Variants in EN1 observed in about 807,000 individuals in gnomAD.
The protein encoded by EN1 is homeobox protein engrailed-1.
EN1 carries 8 observed loss-of-function variants against 22.9 expected under a neutral mutation model. The ratio of observed to expected loss-of-function variants is 0.35; its 90% confidence interval spans 0.20 to 0.63. The LOEUF is 0.63. EN1 is among the 20% of genes least tolerant of loss of function. The pLI is 0.73. For missense variants in EN1, 521 were observed against 572.1 expected, an observed-to-expected ratio of 0.91 and a Z score of 0.91; for synonymous variants, 287 against 262.5, an observed-to-expected ratio of 1.09 and a Z score of -0.90.
chr2:118,844,911 A>G (rs988846419), intron 1 of EN1, among the ~76,000 whole-genome samples: 4 of 152,260 alleles, frequency 2.6e-5, no homozygotes, highest in African/African-American at 7.2e-5. Context: ...ATTCGTAATT[A>G]GCTGAGCGGG....
At position 118,842,864 on chromosome 2, in the gene EN1, C is replaced by T; in HGVS notation, c.*74G>A. On this transcript the variant is annotated 3_prime_UTR_variant, in exon 2 of 2. Coordinates refer to ENST00000295206, the MANE Select transcript of EN1 (RefSeq NM_001426.4). ...TCCCTCCTTGGAGCAGATGCTTTCT[C>T]CCCCAGCGAGGGGCCGGGAGACGAC... 6 of 1,518,524 alleles carry T rather than the reference C, an allele frequency of 4.0e-6. No homozygotes were observed. In the East Asian group the frequency reaches 7.0e-5, roughly 18 times the overall value. The allele number at this position is 1,518,524 out of a possible 1,614,324, so 94.1% of individuals were successfully genotyped here. A position where few individuals can be genotyped will look rare whatever the true frequency, so the allele number is the denominator to read the frequency against.
chr2:118,846,453 C>G lies in EN1; in HGVS notation c.715G>C (p.Gly239Arg). The G allele has an allele frequency of 6.2e-7, 1 of 1,610,676 alleles. No individual in the cohort carries two copies. The highest frequency in any genetic ancestry group is 8.5e-7 in the Non-Finnish European group (1 of 1,179,080). The change falls in exon 1 of 2, where the codon GGC becomes CGC. Residue 239 changes from glycine to arginine, a missense_variant. Around this residue, in one of 3 missense-constraint regions of EN1, gnomAD observed 436 missense variants for 410.1 expected, o/e 1.06. Coordinates refer to ENST00000295206, the MANE Select transcript of EN1 (RefSeq NM_001426.4). The surrounding 1 kb of genome is among the most constrained non-coding windows in gnomAD (Gnocchi z 5.0). The part of the protein sequence containing the change: ...GGGAGSPGAQ[G>R]TKYPEHGNPA... ...TTGCCGTGCTCCGGGTATTTGGTGC[C>G]CTGCGCTCCGGGGCTCCCCGCGCCG...
chr2:118,846,254 G>C lies in EN1; in HGVS notation c.862+52C>G. The C allele has an allele frequency of 6.3e-7, 1 of 1,577,774 alleles. No homozygotes were observed. The highest frequency in any genetic ancestry group is 8.6e-7 in the Non-Finnish European group (1 of 1,163,912). ...CCTAGCGCCGCAGCTTGGCGTTCTGGGGCGGTCCGCGGGGCCAGAAGGCAT... is the reference window on the plus strand; with the variant it reads ...CCTAGCGCCGCAGCTTGGCGTTCTGCGGCGGTCCGCGGGGCCAGAAGGCAT... On this transcript the variant is annotated intron_variant, in intron 1 of 1. Transcript: ENST00000295206. The surrounding 1 kb of genome is among the most constrained non-coding windows in gnomAD (Gnocchi z 5.0).
Position 118,846,131 on chromosome 2 carries a change from C to A in EN1, c.862+175G>T, listed in dbSNP as rs1306460192. ...GCTTCTCGGGTGGTGGCCGCAGAGG[C>A]CAGGATCGCATAGCTGGATGAACAT... On this transcript the variant is annotated intron_variant, in intron 1 of 1. Transcript: ENST00000295206. This position sits in a 1 kb window ranked among gnomAD's most constrained non-coding sequence, Gnocchi z 5.0. Among the ~76,000 whole-genome samples, 2 of 151,934 alleles carry A rather than the reference C, an allele frequency of 1.3e-5. No homozygotes were observed. Among genetic ancestry groups the A allele is most frequent in the Non-Finnish European group, 2.9e-5 (2 of 67,970 alleles).
intron 1 of EN1, among the ~76,000 whole-genome samples, chr2:118,845,476 C>A (rs145372101): frequency 6.6e-6 from 1 of 152,306 alleles, no homozygotes; most frequent in Non-Finnish European, 1.5e-5. Context: ...CCTACGGATG[C>A]CAGAAGTCTG....
chr2:118,846,630 G>T lies in EN1; in HGVS notation c.538C>A (p.Pro180Thr). ...LCAPDANCGPPDGSQPAAAGA... is the reference protein window; with the variant it reads ...LCAPDANCGPTDGSQPAAAGA... Reference sequence around the variant, plus strand: ...GCGGCGGCTGGCTGGGAGCCGTCGGGTGGGCCACAGTTCGCGTCCGGGGCG... The same window carrying T: ...GCGGCGGCTGGCTGGGAGCCGTCGGTTGGGCCACAGTTCGCGTCCGGGGCG... Residue 180 changes from proline (P) to threonine (T), a missense_variant, in exon 1 of 2, where the codon CCC (proline) becomes ACC (threonine). Pro to Thr is a conservative substitution (Grantham distance 38). This residue lies in a region of EN1 where 436 missense variants were observed against 410.1 expected (regional missense o/e 1.06). Transcript: ENST00000295206. This position sits in a 1 kb window ranked among gnomAD's most constrained non-coding sequence, Gnocchi z 5.0. The T allele has an allele frequency of 6.7e-7, 1 of 1,500,212 alleles. No individual in the cohort carries two copies. The highest frequency in any genetic ancestry group is 8.8e-7 in the Non-Finnish European group (1 of 1,131,898). The allele number at this position is 1,500,212 out of a possible 1,614,324, so 92.9% of individuals were successfully genotyped here.
Position 118,847,175 on chromosome 2 carries a change from C to A in EN1, c.-8G>T. On this transcript the variant is annotated 5_prime_UTR_variant, in exon 1 of 2. Transcript: ENST00000295206. Reference sequence around the variant, plus strand: ...CGGCTGCTGTTCTTCCATGCTCGGCCGCCCCGCCGCCCCGGCCGCCGCGCC... The same window carrying A: ...CGGCTGCTGTTCTTCCATGCTCGGCAGCCCCGCCGCCCCGGCCGCCGCGCC... The A allele has an allele frequency of 2.4e-6, 2 of 844,722 alleles. No homozygotes were observed. The highest frequency in any genetic ancestry group is 3.3e-6 in the Non-Finnish European group (2 of 601,752). The allele number at this position is 844,722 out of a possible 1,614,324, so 52.3% of individuals were successfully genotyped here.
chr2:118,845,327 C>T (rs1678253060), intron 1 of EN1, among the ~76,000 whole-genome samples: 1 of 152,254 alleles, frequency 6.6e-6, no homozygotes, highest in African/African-American at 2.4e-5. Context: ...GCTTCTGCCG[C>T]TCTCCCAGAC....
chr2:118,843,560 C>A (rs1353115970), intron 1 of EN1, among the ~76,000 whole-genome samples: 1 of 152,182 alleles, frequency 6.6e-6, no homozygotes, highest in East Asian at 1.9e-4. Context: ...ACAGGACAGT[C>A]AGGGACAGAC....
chr2:118,844,928 T>A (rs1678245397), intron 1 of EN1, among the ~76,000 whole-genome samples: 1 of 152,124 alleles, frequency 6.6e-6, no homozygotes, highest in African/African-American at 2.4e-5. Flanking sequence ...CGGGGAGAAA[T>A]AGCCCAAGAA....
At chr2:118,843,975 G>C (rs1024263007) in intron 1 of EN1, 75 of 152,094 alleles carry the variant, frequency 4.9e-4, no homozygotes, top group African/African-American at 1.8e-3. Flanking sequence ...TAGGGTCTCA[G>C]GGATGCAGGG....
chr2:118,845,205 CG>C (rs1412901985), intron 1 of EN1, among the ~76,000 whole-genome samples: 1 of 152,224 alleles, frequency 6.6e-6, no homozygotes, highest in Non-Finnish European at 1.5e-5. Context: ...GATCCGCGCC[CG>C]GCCGGCAGCT....
chr2:118,845,508 G>A (rs535842301), intron 1 of EN1, among the ~76,000 whole-genome samples: 1 of 152,230 alleles, frequency 6.6e-6, no homozygotes, highest in Non-Finnish European at 1.5e-5. Flanking sequence ...GGTGAAAAAA[G>A]GAAAGCGCCG....
Position 118,843,272 on chromosome 2 carries a change from G to T in EN1, c.863-18C>A. 1 of 937,272 alleles carries T rather than the reference G, an allele frequency of 1.1e-6. No homozygotes were observed. Among genetic ancestry groups the T allele is most frequent in the Non-Finnish European group, 1.5e-6 (1 of 665,486 alleles). 58.1% of individuals were successfully genotyped at this position (937,272 alleles called of 1,614,324 possible). A position where few individuals can be genotyped will look rare whatever the true frequency, so the allele number is the denominator to read the frequency against. ...GCGCGGACCTGCAGCGGCGGAGAGG[G>T]CCGGGGTGGGGTGGGGGTGGGGACC... On this transcript the variant is annotated intron_variant, in intron 1 of 1. Transcript: ENST00000295206.
intron 1 of EN1, chr2:118,844,403 T>A (rs1209695226): frequency 6.6e-6 from 1 of 151,680 alleles, no homozygotes; most frequent in Non-Finnish European, 1.5e-5. Context: ...CAAATACTAG[T>A]CTGGGAGGAG....
intron 1 of EN1, among the ~76,000 whole-genome samples, chr2:118,845,720 C>A (rs1459898116): frequency 1.3e-5 from 2 of 152,208 alleles, no homozygotes; most frequent in East Asian, 3.9e-4. Context: ...GGGTCAGACT[C>A]TTTTCGCTAC....
At chr2:118,844,660 A>G (rs1014404979) in intron 1 of EN1, among the ~76,000 whole-genome samples, 51 of 152,206 alleles carry the variant, frequency 3.4e-4, no homozygotes, top group African/African-American at 1.2e-3. Context: ...CTAGCTACAG[A>G]GAGGAAGGCT....
At position 118,846,196 on chromosome 2, in the gene EN1, G is replaced by A. The variant is rs1678265094; in HGVS notation, c.862+110C>T. The stretch of plus-strand genomic sequence containing the variant: ...AACTGGGGTGAGGAAGCAGGCGTGA[G>A]AGACTGGAGTACCCGAGGCCGGGTT... On this transcript the variant is annotated intron_variant, in intron 1 of 1. Coordinates refer to ENST00000295206, the MANE Select transcript of EN1 (RefSeq NM_001426.4). The surrounding 1 kb of genome is among the most constrained non-coding windows in gnomAD (Gnocchi z 5.0). The A allele has an allele frequency of 6.8e-7, 1 of 1,476,990 alleles. No homozygotes were observed. Among genetic ancestry groups the A allele is most frequent in the Non-Finnish European group, 9.1e-7 (1 of 1,104,168 alleles). 91.5% of individuals were successfully genotyped at this position (1,476,990 alleles called of 1,614,324 possible).
At chr2:118,845,570 C>T (rs770882534) in intron 1 of EN1, among the ~76,000 whole-genome samples, 2 of 152,228 alleles carry the variant, frequency 1.3e-5, no homozygotes, top group Non-Finnish European at 2.9e-5. Context: ...AGGAAACTGG[C>T]TCTCATGCCC....
Sources: gnomAD v4.1 joint callset for allele counts (sites outside exome capture counted in the v4.1 genomes callset) on GRCh38, gnomAD v4.1.1 for gene constraint, gnomAD v4.1.1 regional missense constraint, Gnocchi (gnomAD v3.1) non-coding constraint, MANE v1.5 for transcripts, NCBI Gene and HGNC (gene_info 2026-07-23, HGNC 2026-07-21) for gene names.